Variants in RORA observed in about 807,000 individuals in gnomAD.
RORA encodes the protein nuclear receptor ROR-alpha.
In RORA, 7 loss-of-function variants were observed where a neutral mutation model predicts 69.5. That is an observed-to-expected ratio of 0.10 (90% CI 0.06 to 0.19). The LOEUF (loss-of-function observed/expected upper bound fraction) is 0.19, where lower values mean the gene tolerates loss of function less well. Among genes scored for constraint, RORA ranks in the 10% least tolerant of loss-of-function variants. The pLI, the probability that RORA is intolerant of heterozygous loss-of-function variation, is 1.00. For synonymous variants in RORA, 261 were observed against 240.8 expected (o/e 1.08, Z -0.78); for missense variants, 457 against 663.0 (o/e 0.69, Z 3.41).
At chr15:60,733,830 G>A (rs2071460071) in intron 1 of RORA, among the ~76,000 whole-genome samples, 1 of 151,354 alleles carries the variant, frequency 6.6e-6, no homozygotes, top group Non-Finnish European at 1.5e-5. Context: ...GACCCAATCA[G>A]TTGTTCCCAG....
At position 60,560,573 on chromosome 15, in the gene RORA, C is replaced by T. The variant is rs2067506754; in HGVS notation, c.197-28722G>A. On this transcript the variant is annotated intron_variant, in intron 2 of 10. Coordinates refer to ENST00000335670, the MANE Select transcript of RORA (RefSeq NM_134261.3). ...GTGTGGTGGTGCCAGTCTGTGCCTGCCTGTAGTCTCGGCTACTGGTCGGGG... is the reference window on the plus strand; with the variant it reads ...GTGTGGTGGTGCCAGTCTGTGCCTGTCTGTAGTCTCGGCTACTGGTCGGGG... Among the ~76,000 whole-genome samples the T allele has an allele frequency of 2.0e-5, 3 of 152,270 alleles. No individual in the cohort carries two copies. The South Asian group carries it at 6.2e-4, about 32-fold the overall frequency.
At chr15:60,957,500 G>C (rs1299228026) in intron 1 of RORA, among the ~76,000 whole-genome samples, 1 of 152,210 alleles carries the variant, frequency 6.6e-6, no homozygotes, top group Non-Finnish European at 1.5e-5. Context: ...AATGTCCCAG[G>C]ATTTATTTTC....
intron 2 of RORA, among the ~76,000 whole-genome samples, chr15:60,654,272 G>C (rs930350079): frequency 6.6e-6 from 1 of 152,220 alleles, no homozygotes; most frequent in Non-Finnish European, 1.5e-5. Context: ...CTGTTTTCAA[G>C]GTAGAGTTTT....
rs569866530 is a variant in RORA at position 60,986,807 on chromosome 15, T to C, written c.166+242246A>G. On this transcript the variant is annotated intron_variant, in intron 1 of 10. Coordinates refer to ENST00000335670, the MANE Select transcript of RORA (RefSeq NM_134261.3). ...GGGTCAGGCTGGGCCAGTAGGATTG[T>C]AGAAGTACGGACCAACTTCCACGTT... Among the ~76,000 whole-genome samples, 5 of 152,346 alleles carry C rather than the reference T, an allele frequency of 3.3e-5. No homozygotes were observed. The East Asian group carries it at 9.6e-4, about 29-fold the overall frequency.
intron 1 of RORA, among the ~76,000 whole-genome samples, chr15:61,191,651 T>C (rs1248745187): frequency 2.0e-5 from 3 of 152,180 alleles, no homozygotes; most frequent in African/African-American, 7.2e-5. Context: ...GACTGCTTAT[T>C]GGTTCTCCCT....
At chr15:60,551,615 T>C (rs1179847808) in intron 2 of RORA, among the ~76,000 whole-genome samples, 1 of 152,234 alleles carries the variant, frequency 6.6e-6, no homozygotes, top group African/African-American at 2.4e-5. Flanking sequence ...TCTTTCCTGG[T>C]CTGAAACTCC....
At chr15:60,601,865 C>T (rs1389521839) in intron 2 of RORA, among the ~76,000 whole-genome samples, 2 of 151,876 alleles carry the variant, frequency 1.3e-5, no homozygotes, top group East Asian at 1.9e-4. Flanking sequence ...ACATACATAG[C>T]CCTGGGATGT....
chr15:61,073,141 G>A (rs2140615770), intron 1 of RORA, among the ~76,000 whole-genome samples: 1 of 152,340 alleles, frequency 6.6e-6, no homozygotes, highest in East Asian at 1.9e-4. Context: ...AGTACAACTG[G>A]CCAAGGGCCG....
chr15:60,852,390 A>C (rs898782860), intron 1 of RORA, among the ~76,000 whole-genome samples: 5 of 152,186 alleles, frequency 3.3e-5, no homozygotes, highest in Non-Finnish European at 7.3e-5. Context: ...GCAAGTTTGT[A>C]ATGTTCACAG....
chr15:60,552,810 A>C (rs1158386038), intron 2 of RORA, among the ~76,000 whole-genome samples: 1 of 152,220 alleles, frequency 6.6e-6, no homozygotes, highest in Non-Finnish European at 1.5e-5. Flanking sequence ...ATTAAAAGAA[A>C]AGGCTGGAGG....
At chr15:60,980,984 A>C (rs1044718936) in intron 1 of RORA, among the ~76,000 whole-genome samples, 1 of 151,838 alleles carries the variant, frequency 6.6e-6, no homozygotes, top group Non-Finnish European at 1.5e-5. Flanking sequence ...TTTTTTATGT[A>C]GGTCAGGTGT....
At chr15:61,207,959 A>C (rs1480737444) in intron 1 of RORA, among the ~76,000 whole-genome samples, 1 of 152,198 alleles carries the variant, frequency 6.6e-6, no homozygotes, top group Non-Finnish European at 1.5e-5. Flanking sequence ...ATAGCTGCTT[A>C]ATCACATTTT....
chr15:60,873,073 T>G (rs1022686131), intron 1 of RORA, among the ~76,000 whole-genome samples: 2 of 152,174 alleles, frequency 1.3e-5, no homozygotes, highest in Non-Finnish European at 2.9e-5. Context: ...GATTCTTCCT[T>G]GATCTTTTGT....
intron 1 of RORA, among the ~76,000 whole-genome samples, chr15:60,888,490 A>G (rs1260306115): frequency 6.6e-6 from 1 of 152,160 alleles, no homozygotes; most frequent in Non-Finnish European, 1.5e-5. Context: ...ACATATACAC[A>G]TGCAAACACA....
intron 2 of RORA, among the ~76,000 whole-genome samples, chr15:60,533,588 G>A (rs2066592016): frequency 1.3e-5 from 2 of 152,292 alleles, no homozygotes; most frequent in African/African-American, 4.8e-5. Context: ...TGCAACTCTA[G>A]AGAAAGCGAG....
At chr15:60,694,766 C>T (rs2070878232) in intron 1 of RORA, among the ~76,000 whole-genome samples, 1 of 152,306 alleles carries the variant, frequency 6.6e-6, no homozygotes, top group African/African-American at 2.4e-5. Flanking sequence ...CTCTCAAGGC[C>T]TTTACAAATT....
chr15:60,627,684 G>T (rs1484497185), intron 2 of RORA, among the ~76,000 whole-genome samples: 2 of 152,030 alleles, frequency 1.3e-5, no homozygotes, highest in African/African-American at 2.4e-5. Context: ...TCCAGGCTTT[G>T]TCAAATGCCC....
chr15:60,534,928 G>C lies in RORA; in HGVS notation c.197-3077C>G, dbSNP rs995817885. Among the ~76,000 whole-genome samples, 5 of 152,082 alleles carry C rather than the reference G, an allele frequency of 3.3e-5. No individual in the cohort carries two copies. The highest frequency in any genetic ancestry group is 4.8e-5 in the African/African-American group (2 of 41,390). On this transcript the variant is annotated intron_variant, in intron 2 of 10. Transcript: ENST00000335670. The surrounding 1 kb of genome is among the most constrained non-coding windows in gnomAD (Gnocchi z 5.0). ...TCAAATGAATCCATGAGAAAAAAAT[G>C]CAGTCAATGCCTTGCAAATTTTTCA...
intron 1 of RORA, among the ~76,000 whole-genome samples, chr15:61,224,441 C>T (rs1466595682): frequency 6.6e-6 from 1 of 152,176 alleles, no homozygotes; most frequent in Non-Finnish European, 1.5e-5. Context: ...AGCTAAGAAG[C>T]TCAATTCATC....
Sources: gnomAD v4.1 joint callset for allele counts (sites outside exome capture counted in the v4.1 genomes callset) on GRCh38, gnomAD v4.1.1 for gene constraint, Gnocchi (gnomAD v3.1) non-coding constraint, MANE v1.5 for transcripts, NCBI Gene and HGNC (gene_info 2026-07-23, HGNC 2026-07-21) for gene names.